The following TMEM244 variants were observed in gnomAD, a reference collection of about 807,000 sequenced individuals.
The protein encoded by TMEM244 is transmembrane protein 244.
Under a neutral mutation model 15.8 loss-of-function variants are expected in TMEM244, and 13 were observed. That is an observed-to-expected ratio of 0.82 (90% CI 0.53 to 1.30). TMEM244 has a LOEUF of 1.30. Ranked by LOEUF, TMEM244 falls within the 50% of genes most tolerant of loss-of-function variation. The pLI, the probability that TMEM244 is intolerant of heterozygous loss-of-function variation, is 0.00. For synonymous variants in TMEM244, 45 were observed against 48.7 expected, an observed-to-expected ratio of 0.92 and a Z score of 0.32; for missense variants, 161 against 144.9, an observed-to-expected ratio of 1.11 and a Z score of -0.57.
intron 1 of TMEM244, among the ~76,000 whole-genome samples, chr6:129,858,948 C>A (rs552720637): frequency 1.3e-5 from 2 of 152,054 alleles, no homozygotes; most frequent in African/African-American, 4.8e-5. Flanking sequence ...GTGTGCACCA[C>A]CACACCCAGC....
At chr6:129,840,817 G>T in intron 3 of TMEM244, among the ~76,000 whole-genome samples, 1 of 152,188 alleles carries the variant, frequency 6.6e-6, no homozygotes, top group South Asian at 2.1e-4. Flanking sequence ...ACAGACATAT[G>T]AACAAATGCT....
chr6:129,857,522 C>T lies in TMEM244; in HGVS notation c.33+3634G>A, dbSNP rs141397572. On this transcript the variant is annotated intron_variant, in intron 1 of 4. Coordinates refer to ENST00000368143, the MANE Select transcript of TMEM244 (RefSeq NM_001010876.2). ...AGGCACATGCCACCACCACGCCTGG[C>T]TAATTTTTTGTATTTTTAGTAGAGA... Among the ~76,000 whole-genome samples the T allele has an allele frequency of 3.2e-3, 485 of 152,046 alleles. 2 individuals are homozygous for T. The highest frequency in any genetic ancestry group is 0.011 in the African/African-American group (468 of 41,476).
At chr6:129,847,016 A>C (rs1776569903) in intron 1 of TMEM244, among the ~76,000 whole-genome samples, 1 of 152,200 alleles carries the variant, frequency 6.6e-6, no homozygotes, top group Non-Finnish European at 1.5e-5. Flanking sequence ...TAAAGGCTTA[A>C]ATGCCATGGA....
intron 3 of TMEM244, among the ~76,000 whole-genome samples, chr6:129,837,394 A>C (rs1489785050): frequency 6.6e-6 from 1 of 152,232 alleles, no homozygotes; most frequent in African/African-American, 2.4e-5. Context: ...TGTCACCACC[A>C]GGCCTGCCTT....
intron 2 of TMEM244, among the ~76,000 whole-genome samples, chr6:129,844,981 C>T (rs72993238): frequency 0.067 from 10,147 of 152,174 alleles, 433 homozygotes; most frequent in Non-Finnish European, 0.091. Context: ...CTCAAGGCAA[C>T]CAATATATTG....
intron 1 of TMEM244, among the ~76,000 whole-genome samples, chr6:129,854,372 G>T (rs770263750): frequency 6.6e-6 from 1 of 152,214 alleles, no homozygotes; most frequent in Non-Finnish European, 1.5e-5. Flanking sequence ...TTGCTGCACA[G>T]TGAGAGAGTC....
At chr6:129,850,205 G>C (rs1197444475) in intron 1 of TMEM244, among the ~76,000 whole-genome samples, 3 of 152,164 alleles carry the variant, frequency 2.0e-5, no homozygotes, top group Non-Finnish European at 4.4e-5. Flanking sequence ...CAAAGACCTA[G>C]GTGAAGCCAA....
At chr6:129,857,798 T>A (rs185474345) in intron 1 of TMEM244, among the ~76,000 whole-genome samples, 28 of 149,454 alleles carry the variant, frequency 1.9e-4, no homozygotes, top group East Asian at 5.8e-4. Context: ...GTGTGGTTTT[T>A]TATATATATA....
At chr6:129,838,755 C>T (rs777255537) in intron 3 of TMEM244, among the ~76,000 whole-genome samples, 7 of 152,140 alleles carry the variant, frequency 4.6e-5, no homozygotes, top group African/African-American at 1.2e-4. Flanking sequence ...ATATCACCAC[C>T]GATCCCACAG....
At chr6:129,839,417 T>C (rs1188017622) in intron 3 of TMEM244, among the ~76,000 whole-genome samples, 5 of 152,314 alleles carry the variant, frequency 3.3e-5, no homozygotes, top group South Asian at 4.1e-4. Context: ...TAGGTATTGA[T>C]GGAACGCGTC....
At chr6:129,850,002 T>G (rs1562200201) in intron 1 of TMEM244, among the ~76,000 whole-genome samples, 2 of 152,196 alleles carry the variant, frequency 1.3e-5, no homozygotes, top group Non-Finnish European at 2.9e-5. Context: ...ATTTAATCCT[T>G]ATAAAACTTC....
At chr6:129,843,746 A>G (rs1394769917) in intron 2 of TMEM244, 143 bp from the exon 3 acceptor site, 2 of 552,572 alleles carry the variant, frequency 3.6e-6, no homozygotes, top group Non-Finnish European at 3.3e-6. Context: ...ACTGGCTGGA[A>G]TGTGAAGGAA....
At chr6:129,843,711 C>T (rs9402185) in intron 2 of TMEM244, 108 bp from the exon 3 acceptor site, 683,655 of 690,234 alleles carry the variant, frequency 0.99, 338,592 homozygotes, top group East Asian at 1. Flanking sequence ...CTATGCGATT[C>T]ACCCACATTG....
Position 129,845,366 on chromosome 6 carries a change from C to A in TMEM244, c.119+401G>T, listed in dbSNP as rs939713070. On this transcript the variant is annotated intron_variant, in intron 2 of 4. Coordinates refer to ENST00000368143, the MANE Select transcript of TMEM244 (RefSeq NM_001010876.2). ...GACCAGGGAGTAATGGGTTCGCTTT[C>A]TTTCCATGAGCATCCTCTGAAGAGG... Among the ~76,000 whole-genome samples, 4 of 152,338 alleles carry A rather than the reference C, an allele frequency of 2.6e-5. No individual in the cohort carries two copies. In the East Asian group the frequency reaches 7.7e-4, roughly 29 times the overall value.
At chr6:129,844,852 G>C (rs1002722323) in intron 2 of TMEM244, among the ~76,000 whole-genome samples, 2 of 152,132 alleles carry the variant, frequency 1.3e-5, no homozygotes, top group African/African-American at 4.8e-5. Context: ...ATTATTTTTT[G>C]ATAGTTGCAT....
chr6:129,847,253 G>A (rs952793333), intron 1 of TMEM244, among the ~76,000 whole-genome samples: 1 of 152,008 alleles, frequency 6.6e-6, no homozygotes, highest in Non-Finnish European at 1.5e-5. Flanking sequence ...TATAATAAAG[G>A]TCCCAGCATT....
intron 1 of TMEM244, among the ~76,000 whole-genome samples, chr6:129,847,905 G>C (rs755701100): frequency 6.6e-6 from 1 of 151,644 alleles, no homozygotes; most frequent in Non-Finnish European, 1.5e-5. Context: ...CTCCCTGGTA[G>C]CTGGGATTAC....
intron 3 of TMEM244, among the ~76,000 whole-genome samples, chr6:129,840,578 T>A (rs960264751): frequency 3.3e-5 from 5 of 151,942 alleles, no homozygotes; most frequent in Admixed American, 6.6e-5. Flanking sequence ...AATAGACAAA[T>A]GGGATCTAAT....
chr6:129,850,819 A>G (rs1157393959), intron 1 of TMEM244, among the ~76,000 whole-genome samples: 2 of 152,212 alleles, frequency 1.3e-5, no homozygotes, highest in East Asian at 1.9e-4. Flanking sequence ...TATTTACAAG[A>G]CATCTCAATT....
Sources: allele counts gnomAD v4.1 joint callset (sites outside exome capture counted in the v4.1 genomes callset), GRCh38; gene constraint gnomAD v4.1.1; transcripts MANE v1.5; gene names NCBI Gene and HGNC (gene_info 2026-07-23, HGNC 2026-07-21).